Variants in CYB5R4 observed in about 807,000 individuals in gnomAD.
The protein encoded by CYB5R4 is cytochrome b5 reductase 4, also known as N-terminal cytochrome b5 and cytochrome b5 oxidoreductase domain-containing protein.
In CYB5R4, 55 loss-of-function variants were observed where a neutral mutation model predicts 70.2. The observed-to-expected ratio is 0.78, with a 90% confidence interval of 0.63 to 0.98. The LOEUF is 0.98. Among genes scored for constraint, CYB5R4 ranks in the 50% least tolerant of loss-of-function variants. The pLI is 0.00. For synonymous variants in CYB5R4, 197 were observed against 199.5 expected, an observed-to-expected ratio of 0.99 and a Z score of 0.11; for missense variants, 562 against 612.6, an observed-to-expected ratio of 0.92 and a Z score of 0.87.
chr6:83,884,523 A>G (rs533301680), intron 2 of CYB5R4, among the ~76,000 whole-genome samples: 2 of 152,282 alleles, frequency 1.3e-5, no homozygotes, highest in Admixed American at 6.5e-5. Flanking sequence ...GCATGAAGCT[A>G]ACATTGATGG....
chr6:83,933,522 A>T (rs1176906885), intron 10 of CYB5R4, among the ~76,000 whole-genome samples: 1 of 151,980 alleles, frequency 6.6e-6, no homozygotes, highest in Non-Finnish European at 1.5e-5. Context: ...TTTTTAGCTT[A>T]AAAAAAAGAG....
intron 14 of CYB5R4, among the ~76,000 whole-genome samples, chr6:83,944,918 G>C (rs2099470329): frequency 6.6e-6 from 1 of 152,208 alleles, no homozygotes; most frequent in African/African-American, 2.4e-5. Context: ...GGAGCACCCA[G>C]ATTCATAAAG....
At chr6:83,886,141 C>T (rs1536151) in intron 2 of CYB5R4, among the ~76,000 whole-genome samples, 23,313 of 151,990 alleles carry the variant, frequency 0.15, 3,490 homozygotes, top group African/African-American at 0.37. Context: ...GCAAGAGTCC[C>T]AATGCAGTAT....
At chr6:83,890,788 A>C (rs1298801351) in intron 2 of CYB5R4, among the ~76,000 whole-genome samples, 1 of 152,142 alleles carries the variant, frequency 6.6e-6, no homozygotes, top group Non-Finnish European at 1.5e-5. Flanking sequence ...AACCATCAAC[A>C]TCAAGGCAAG....
Position 83,928,975 on chromosome 6 carries a change from C to T in CYB5R4, c.814+4383C>T, listed in dbSNP as rs192295167. 7.0e-4 allele frequency among the ~76,000 whole-genome samples: 107 copies of T among 152,222 alleles called. 1 individual carries two copies. Among genetic ancestry groups the T allele is most frequent in the African/African-American group, 1.9e-3 (80 of 41,540 alleles). ...TCTGCTGTAAATTTTTCCTTGAATC[C>T]TGAAACACCATTAAAAAAGAAAGGT... On this transcript the variant is annotated intron_variant, in intron 10 of 15. Coordinates refer to ENST00000369681, the MANE Select transcript of CYB5R4 (RefSeq NM_016230.4).
chr6:83,922,375 A>G (rs2099466519), intron 8 of CYB5R4, 63 bp from the exon 9 acceptor site: 2 of 1,353,058 alleles, frequency 1.5e-6, no homozygotes, highest in Non-Finnish European at 2.1e-6. Flanking sequence ...TAAATGACAT[A>G]TGGTGTTCAA....
At position 83,918,427 on chromosome 6, in the gene CYB5R4, A is replaced by G. The variant is rs373474632; in HGVS notation, c.506+362A>G. ...TCACCATCCTTAGATGTATACTATT[A>G]TTTATATTTTCCAGTTAGATTAATA... On this transcript the variant is annotated intron_variant, in intron 6 of 15. Transcript: ENST00000369681. Among the ~76,000 whole-genome samples the G allele has an allele frequency of 2.4e-4, 36 of 152,186 alleles. No individual in the cohort carries two copies. The East Asian group carries it at 6.4e-3, about 27-fold the overall frequency.
At chr6:83,892,826 T>TTCTCTCTCTCTCTTCCTCTCTC (rs1554416953) in intron 2 of CYB5R4, among the ~76,000 whole-genome samples, 1 of 151,416 alleles carries the variant, frequency 6.6e-6, no homozygotes, top group Non-Finnish European at 1.5e-5. Flanking sequence ...AGTAGTCACT[T>TTCTCTCTCTCTCTTCCTCTCTC]TCTCTCTCTC....
At position 83,960,086 on chromosome 6, in the gene CYB5R4, G is replaced by GATT. The variant is rs1376420954; in HGVS notation, c.*208_*209insATT. 1 of 391,878 alleles carries GATT rather than the reference G, an allele frequency of 2.6e-6. No homozygotes were observed. The highest frequency in any genetic ancestry group is 4.5e-5 in the East Asian group (1 of 22,408). 24.3% of individuals were successfully genotyped at this position (391,878 alleles called of 1,614,324 possible). ...TTATTTTACTACTGATATTTGACCTGGAAAGTTAATCATGGCAACAAATAC... is the reference window on the plus strand; with the variant it reads ...TTATTTTACTACTGATATTTGACCTGATTGAAAGTTAATCATGGCAACAAATAC... On this transcript the variant is annotated 3_prime_UTR_variant, in exon 16 of 16. Transcript: ENST00000369681.
chr6:83,959,096 A>G (rs1202595135), intron 15 of CYB5R4, among the ~76,000 whole-genome samples: 1 of 152,166 alleles, frequency 6.6e-6, no homozygotes, highest in Non-Finnish European at 1.5e-5. Context: ...CTGAATAATC[A>G]CATAATAAAT....
intron 10 of CYB5R4, among the ~76,000 whole-genome samples, chr6:83,932,427 A>G (rs1364940401): frequency 6.6e-6 from 1 of 152,172 alleles, no homozygotes; most frequent in Non-Finnish European, 1.5e-5. Flanking sequence ...GAAATTGTCA[A>G]TCCAGAAGGT....
At chr6:83,944,226 CAG>C (rs780363184) in intron 14 of CYB5R4, among the ~76,000 whole-genome samples, 1 of 152,314 alleles carries the variant, frequency 6.6e-6, no homozygotes, top group South Asian at 2.1e-4. Flanking sequence ...ATCAGACTAA[CAG>C]GGGATCTCTC....
At chr6:83,919,669 A>G (rs2099466050) in intron 7 of CYB5R4, among the ~76,000 whole-genome samples, 1 of 151,940 alleles carries the variant, frequency 6.6e-6, no homozygotes, top group Admixed American at 6.6e-5. Context: ...GGCATTTGGA[A>G]CTCAGGCAGT....
intron 2 of CYB5R4, among the ~76,000 whole-genome samples, chr6:83,864,616 A>T (rs2099456461): frequency 6.6e-6 from 1 of 152,216 alleles, no homozygotes; most frequent in South Asian, 2.1e-4. Context: ...GCAATATAGT[A>T]CAAAATTATT....
intron 14 of CYB5R4, among the ~76,000 whole-genome samples, chr6:83,952,985 C>A (rs1260780596): frequency 1.3e-5 from 2 of 152,240 alleles, no homozygotes; most frequent in Admixed American, 6.5e-5. Flanking sequence ...TTTTCCCCAG[C>A]CTCTTATGCT....
intron 14 of CYB5R4, among the ~76,000 whole-genome samples, chr6:83,948,136 A>G (rs1282896089): frequency 6.6e-6 from 1 of 152,164 alleles, no homozygotes; most frequent in Non-Finnish European, 1.5e-5. Flanking sequence ...TCCATCAATG[A>G]TAGACTGGAT....
chr6:83,940,132 G>C lies in CYB5R4; in HGVS notation c.1185G>C (p.Leu395Phe). The C allele has an allele frequency of 2.5e-6, 4 of 1,610,368 alleles. No individual in the cohort carries two copies. The highest frequency in any genetic ancestry group is 3.4e-6 in the Non-Finnish European group (4 of 1,178,184). ...SKFQELEDLF[L>F]LAAGTGFTPM... ...TCCAAGAATTAGAAGATCTCTTTTT[G>C]TTGGCAGCTGGAACAGGCTTCACAC... The change falls in exon 13 of 16, where the codon TTG (leucine) becomes TTC (phenylalanine). Residue 395 changes from leucine (L) to phenylalanine (F), a missense_variant. Coordinates refer to ENST00000369681, the MANE Select transcript of CYB5R4 (RefSeq NM_016230.4).
At chr6:83,937,274 CA>C (rs760094072) in intron 12 of CYB5R4, among the ~76,000 whole-genome samples, 6 of 148,536 alleles carry the variant, frequency 4.0e-5, no homozygotes, top group Admixed American at 6.7e-5. Context: ...GACTCTGTCT[CA>C]AAAAAAAATA....
chr6:83,875,781 ATAT>A (rs1156843435), intron 2 of CYB5R4, among the ~76,000 whole-genome samples: 4 of 152,176 alleles, frequency 2.6e-5, no homozygotes, highest in Non-Finnish European at 5.9e-5. Flanking sequence ...GCAAGAATCA[ATAT>A]TATTATCTTT....
Sources: gnomAD v4.1 joint callset for allele counts (sites outside exome capture counted in the v4.1 genomes callset) on GRCh38, gnomAD v4.1.1 for gene constraint, MANE v1.5 for transcripts, NCBI Gene and HGNC (gene_info 2026-07-23, HGNC 2026-07-21) for gene names.